The following ENPEP variants were observed in gnomAD, a reference collection of about 807,000 sequenced individuals.
ENPEP encodes AP-A.
In ENPEP, 103 loss-of-function variants were observed where a neutral mutation model predicts 114.5. The observed-to-expected ratio is 0.90, with a 90% CI of 0.77 to 1.06. ENPEP has a LOEUF of 1.06. Among genes scored for constraint, ENPEP ranks in the 50% least tolerant of loss-of-function variants. ENPEP has a pLI of 0.00. For synonymous variants in ENPEP, 420 were observed against 422.0 expected, an observed-to-expected ratio of 1.00 and a Z score of 0.06; for missense variants, 1,196 against 1,161.3, an observed-to-expected ratio of 1.03 and a Z score of -0.43.
rs758313551 is a variant in ENPEP, at chr4:110,548,344, G to T, written c.2151+18G>T. 60 of 1,519,122 alleles carry T rather than the reference G, an allele frequency of 3.9e-5. No homozygotes were observed. The highest frequency in any genetic ancestry group is 5.1e-5 in the Non-Finnish European group (58 of 1,134,576). The allele number at this position is 1,519,122 out of a possible 1,614,324, so 94.1% of individuals were successfully genotyped here. Reference sequence around the variant, plus strand: ...TGATTGAGGTGACGTTAATGCTATGGTATCTTATGAAAGTAAATGTTTAGC... The same window carrying T: ...TGATTGAGGTGACGTTAATGCTATGTTATCTTATGAAAGTAAATGTTTAGC... On this transcript the variant is annotated intron_variant, in intron 14 of 19. Coordinates refer to ENST00000265162, the MANE Select transcript of ENPEP (RefSeq NM_001977.4).
At chr4:110,526,472 C>T (rs1419141341) in intron 10 of ENPEP, among the ~76,000 whole-genome samples, 1 of 152,112 alleles carries the variant, frequency 6.6e-6, no homozygotes, top group East Asian at 1.9e-4. Context: ...TTCAAGGTCA[C>T]ACAGTGTAAA....
chr4:110,483,107 G>T (rs1042949825), intron 1 of ENPEP, among the ~76,000 whole-genome samples: 2 of 151,840 alleles, frequency 1.3e-5, no homozygotes, highest in African/African-American at 2.4e-5. Context: ...AAAACAAAAA[G>T]AAATTTTACT....
In ENPEP at chr4:110,477,047, C is replaced by T. The variant is rs781417982; in HGVS notation, c.633C>T (p.Asn211=). Residue 211 remains asparagine, a synonymous_variant, in exon 1 of 20, where the codon AAC becomes AAT. Transcript: ENST00000265162. ...VGFYRTTYTE[N]GQVKSIVATD... ...TTTATAGAACCACCTACACGGAGAA[C>T]GGACAAGTCAAGTAAATATTAATTT... is the stretch of plus-strand genomic sequence containing the variant. 2 of 1,612,672 alleles carry T rather than the reference C, an allele frequency of 1.2e-6. No homozygotes were observed. Among genetic ancestry groups the T allele is most frequent in the Non-Finnish European group, 1.7e-6 (2 of 1,179,002 alleles).
intron 17 of ENPEP, among the ~76,000 whole-genome samples, chr4:110,552,665 T>C (rs549611820): frequency 1.3e-5 from 2 of 152,254 alleles, no homozygotes; most frequent in Admixed American, 1.3e-4. Context: ...TTGGAAACAC[T>C]TTTTCAATAC....
chr4:110,476,978 G>C lies in ENPEP; in HGVS notation c.564G>C (p.Leu188=). 6.2e-7 allele frequency: 1 copy of C among 1,614,192 alleles called. No individual in the cohort carries two copies. Among genetic ancestry groups the C allele is most frequent in the Non-Finnish European group, 8.5e-7 (1 of 1,180,032 alleles). Residue 188 remains leucine, a synonymous_variant, in exon 1 of 20, where the codon CTG becomes CTC. Coordinates refer to ENST00000265162, the MANE Select transcript of ENPEP (RefSeq NM_001977.4). ...TPSSGDGLYL[L]TMEFAGWLNG... ...GCAGTGGAGATGGCCTGTATCTCCTGACCATGGAGTTCGCCGGCTGGCTGA... is the reference window on the plus strand; with the variant it reads ...GCAGTGGAGATGGCCTGTATCTCCTCACCATGGAGTTCGCCGGCTGGCTGA...
intron 8 of ENPEP, chr4:110,515,885 A>AGAGAGAGAGAGAGG: frequency 4.2e-6 from 1 of 236,672 alleles, no homozygotes; most frequent in South Asian, 4.7e-5. Flanking sequence ...TCCTCATAGC[A>AGAGAGAGAGAGAGG]GAGAGAGAGA....
chr4:110,479,605 A>G (rs745490732), intron 1 of ENPEP, among the ~76,000 whole-genome samples: 2 of 152,152 alleles, frequency 1.3e-5, no homozygotes, highest in Non-Finnish European at 2.9e-5. Context: ...TATGAAAGCG[A>G]CTATTCCTCT....
intron 10 of ENPEP, among the ~76,000 whole-genome samples, chr4:110,525,093 A>G (rs1726143939): frequency 6.6e-6 from 1 of 152,232 alleles, no homozygotes; most frequent in Non-Finnish European, 1.5e-5. Context: ...AAGGCTGATA[A>G]AGCATGCAAA....
intron 18 of ENPEP, among the ~76,000 whole-genome samples, chr4:110,555,511 G>T (rs1177099996): frequency 6.6e-6 from 1 of 151,996 alleles, no homozygotes; most frequent in African/African-American, 2.4e-5. Flanking sequence ...CACTGCTAAT[G>T]TCCTTGCCAG....
intron 11 of ENPEP, among the ~76,000 whole-genome samples, chr4:110,533,881 A>G (rs1454288303): frequency 2.0e-5 from 3 of 152,242 alleles, no homozygotes; most frequent in Non-Finnish European, 2.9e-5. Context: ...TTTATTGAAT[A>G]AATGAATGAA....
At chr4:110,544,738 G>A (rs1406061514) in intron 13 of ENPEP, among the ~76,000 whole-genome samples, 1 of 152,006 alleles carries the variant, frequency 6.6e-6, no homozygotes, top group Non-Finnish European at 1.5e-5. Flanking sequence ...AATGTAGGAG[G>A]TCCTTTCTAT....
chr4:110,538,696 T>A (rs533586392), intron 11 of ENPEP, among the ~76,000 whole-genome samples: 22 of 152,346 alleles, frequency 1.4e-4, no homozygotes, highest in African/African-American at 5.0e-4. Flanking sequence ...TGTCTCAGCT[T>A]TTGACATACT....
chr4:110,549,279 A>G (rs1055635111), intron 14 of ENPEP, 67 bp from the exon 15 acceptor site: 2 of 1,267,404 alleles, frequency 1.6e-6, no homozygotes, highest in African/African-American at 1.5e-5. Context: ...GCTGCTGAGT[A>G]TAATAATTGG....
At chr4:110,515,587 T>C in intron 8 of ENPEP, 145 bp downstream of exon 8, 1 of 664,380 alleles carries the variant, frequency 1.5e-6, no homozygotes, top group Non-Finnish European at 2.6e-6. Context: ...GATAAAAACA[T>C]GATTTTACAT....
chr4:110,483,776 G>T (rs1724401744), intron 1 of ENPEP, among the ~76,000 whole-genome samples: 1 of 152,206 alleles, frequency 6.6e-6, no homozygotes, highest in Non-Finnish European at 1.5e-5. Context: ...CTATTAGTCA[G>T]CCTTTTTCTC....
chr4:110,515,550 T>C (rs1725732927), intron 8 of ENPEP, 108 bp downstream of exon 8: 1 of 875,340 alleles, frequency 1.1e-6, no homozygotes. Flanking sequence ...TTAATCTCTT[T>C]ACTGAGGCAT....
chr4:110,549,645 A>AT lies in ENPEP; in HGVS notation c.2330+15dup. The AT allele has an allele frequency of 6.2e-7, 1 of 1,613,396 alleles. No individual in the cohort carries two copies. The highest frequency in any genetic ancestry group is 8.5e-7 in the Non-Finnish European group (1 of 1,179,582). On this transcript the variant is annotated intron_variant, in intron 16 of 19. Transcript: ENST00000265162. Reference sequence around the variant, plus strand: ...ATGGGACTGTAAGGTGATTACTCACATTGTTATGCTTAGAAGACACATTTG... The same window carrying AT: ...ATGGGACTGTAAGGTGATTACTCACATTTGTTATGCTTAGAAGACACATTTG...
At chr4:110,487,031 C>A (rs1724531258) in intron 1 of ENPEP, among the ~76,000 whole-genome samples, 1 of 151,882 alleles carries the variant, frequency 6.6e-6, no homozygotes, top group Admixed American at 6.6e-5. Context: ...GGTGGGATGG[C>A]AGAACTGGTT....
In ENPEP at chr4:110,531,240, A is replaced by G; in HGVS notation, c.1770A>G (p.Ile590Met). 6.8e-7 allele frequency: 1 copy of G among 1,468,604 alleles called. No homozygotes were observed. Among genetic ancestry groups the G allele is most frequent in the East Asian group, 2.4e-5 (1 of 41,628 alleles). The allele number at this position is 1,468,604 out of a possible 1,614,324, so 91.0% of individuals were successfully genotyped here. Reference sequence around the variant, plus strand: ...CAGTTAAATGGACTGAAGATAATATAACAAGCAGTGTGTTATTTAATAGGT... The same window carrying G: ...CAGTTAAATGGACTGAAGATAATATGACAAGCAGTGTGTTATTTAATAGGT... ...NIPVKWTEDN[I>M]TSSVLFNRSE... The change falls in exon 11 of 20, where the codon ATA becomes ATG. Residue 590 changes from isoleucine to methionine, a missense_variant. Coordinates refer to ENST00000265162, the MANE Select transcript of ENPEP (RefSeq NM_001977.4).
Sources: allele counts gnomAD v4.1 joint callset (sites outside exome capture counted in the v4.1 genomes callset), GRCh38; gene constraint gnomAD v4.1.1; transcripts MANE v1.5; gene names NCBI Gene and HGNC (gene_info 2026-07-23, HGNC 2026-07-21).